UBE3B: variants seen among roughly 807,000 people sequenced by gnomAD.
UBE3B encodes the protein ubiquitin-protein ligase E3B.
UBE3B carries 80 observed loss-of-function variants against 132.3 expected under a neutral mutation model. That is an observed-to-expected ratio of 0.60 (90% CI 0.50 to 0.73). UBE3B has a LOEUF of 0.73. UBE3B is among the 30% of genes least tolerant of loss of function. The probability of loss-of-function intolerance (pLI) is 0.00; values close to 1 mark genes in which losing one functional copy is unlikely to be tolerated. For missense variants in UBE3B, 1,196 were observed against 1,362.5 expected (o/e 0.88, Z 1.92); for synonymous variants, 487 against 520.4 (o/e 0.94, Z 0.87).
chr12:109,534,665 G>A lies in UBE3B; in HGVS notation c.3090G>A (p.Leu1030=), dbSNP rs140000478. 5.6e-6 allele frequency: 9 copies of A among 1,611,436 alleles called. No individual in the cohort carries two copies. Among genetic ancestry groups the A allele is most frequent in the Non-Finnish European group, 7.6e-6 (9 of 1,178,960 alleles). ...GCAAGCGGGAGCCAGGCGGCCGCCTGCCCACCTCCTCCACCTGCTTCAACC... is the reference window on the plus strand; with the variant it reads ...GCAAGCGGGAGCCAGGCGGCCGCCTACCCACCTCCTCCACCTGCTTCAACC... ...TIRKREPGGR[L]PTSSTCFNLL... is the part of the protein sequence containing the mutation. Residue 1030 remains leucine, a synonymous_variant, in exon 28 of 28, where the codon CTG becomes CTA. Transcript: ENST00000342494. This position sits in a 1 kb window ranked among gnomAD's most constrained non-coding sequence, Gnocchi z 5.2.
intron 9 of UBE3B, among the ~76,000 whole-genome samples, chr12:109,495,541 C>A (rs1439927204): frequency 6.6e-6 from 1 of 152,234 alleles, no homozygotes; most frequent in African/African-American, 2.4e-5. Context: ...ATTAAAGACA[C>A]ACACACAGAA....
At chr12:109,511,662 G>A (rs1356954702) in intron 18 of UBE3B, among the ~76,000 whole-genome samples, 1 of 152,190 alleles carries the variant, frequency 6.6e-6, no homozygotes, top group Non-Finnish European at 1.5e-5. Context: ...TGTGGCTGGA[G>A]AGAATAGAAA....
chr12:109,542,711 C>T, the UBE3B span, among the ~76,000 whole-genome samples: 86,198 of 151,994 alleles, frequency 0.57, 25,463 homozygotes, highest in African/African-American at 0.72. Context: ...AACGCAGGGA[C>T]TTCCAGCCAT....
chr12:109,531,857 C>T (rs1180121051), intron 26 of UBE3B, among the ~76,000 whole-genome samples: 1 of 152,106 alleles, frequency 6.6e-6, no homozygotes, highest in African/African-American at 2.4e-5. Flanking sequence ...ACCAGTGTCT[C>T]ATCATTGTGC....
chr12:109,544,237 C>A, the UBE3B span, among the ~76,000 whole-genome samples: 3 of 152,316 alleles, frequency 2.0e-5, no homozygotes, highest in Non-Finnish European at 1.5e-5. Flanking sequence ...ACCAGCAGGC[C>A]ATGGACGGAC....
chr12:109,491,045 A>T lies in UBE3B; in HGVS notation c.631A>T (p.Ile211Leu). The change falls in exon 9 of 28, where the codon ATA (isoleucine) becomes TTA (leucine). Residue 211 changes from isoleucine (I) to leucine (L), a missense_variant and splice_region_variant. Transcript: ENST00000342494. ...NQHGFYSVLQ[I>L]LLTRGLARPR... ...TGACCAATTAAAACATTCTTTTCAG[A>T]TATTGTTAACCCGTGGCCTGGCAAG... The T allele has an allele frequency of 6.2e-7, 1 of 1,613,192 alleles. No homozygotes were observed. The highest frequency in any genetic ancestry group is 8.5e-7 in the Non-Finnish European group (1 of 1,179,464).
In UBE3B at chr12:109,533,446, G is replaced by A; in HGVS notation, c.2923-20G>A. 1.2e-6 allele frequency: 2 copies of A among 1,611,968 alleles called. No individual in the cohort carries two copies. The highest frequency in any genetic ancestry group is 1.7e-6 in the Non-Finnish European group (2 of 1,178,076). On this transcript the variant is annotated intron_variant, in intron 26 of 27. Transcript: ENST00000342494. ...AGCAGGAGCCTGCCCCGTCCCCACT[G>A]ACCCTGCTTTGTGTTGCAGTTCGTG...
At chr12:109,545,933 A>G in the UBE3B span, among the ~76,000 whole-genome samples, 1 of 152,182 alleles carries the variant, frequency 6.6e-6, no homozygotes, top group East Asian at 1.9e-4. Flanking sequence ...TAAAGGGCCG[A>G]TCTACCCTGC....
At chr12:109,490,902 TG>T in intron 8 of UBE3B, 142 bp from the exon 9 acceptor site, 1 of 1,075,498 alleles carries the variant, frequency 9.3e-7, no homozygotes, top group Non-Finnish European at 1.3e-6. Context: ...CCTCCTGAGC[TG>T]GGACTGTAGG....
At chr12:109,479,417 C>G (rs867467506) in intron 1 of UBE3B, among the ~76,000 whole-genome samples, 4 of 152,054 alleles carry the variant, frequency 2.6e-5, no homozygotes, top group Non-Finnish European at 5.9e-5. Context: ...GACATAGACA[C>G]TATTATTACC....
At chr12:109,533,215 C>T (rs1393417091) in intron 26 of UBE3B, among the ~76,000 whole-genome samples, 1 of 152,200 alleles carries the variant, frequency 6.6e-6, no homozygotes, top group African/African-American at 2.4e-5. Context: ...CACGTGCTCT[C>T]ACAAGTGGCC....
intron 18 of UBE3B, among the ~76,000 whole-genome samples, chr12:109,512,288 A>C (rs1420070472): frequency 6.6e-6 from 1 of 152,130 alleles, no homozygotes; most frequent in East Asian, 1.9e-4. Context: ...CGGAGTGAGA[A>C]GTCCAGGGCA....
chr12:109,544,381 G>T, the UBE3B span, among the ~76,000 whole-genome samples: 1 of 131,546 alleles, frequency 7.6e-6, no homozygotes, highest in Non-Finnish European at 1.6e-5. Flanking sequence ...GTGAAGTGGG[G>T]CGGGGGGCGG....
chr12:109,511,173 A>G (rs1212137245), intron 17 of UBE3B, 31 bp from the exon 18 acceptor site: 2 of 1,606,486 alleles, frequency 1.2e-6, no homozygotes, highest in African/African-American at 1.3e-5. Flanking sequence ...CCTTCTTTTA[A>G]TTCTCCCAAA....
intron 1 of UBE3B, among the ~76,000 whole-genome samples, chr12:109,480,754 G>T (rs1299608184): frequency 2.0e-5 from 3 of 152,204 alleles, no homozygotes; most frequent in Non-Finnish European, 4.4e-5. Flanking sequence ...CCCTCACTGT[G>T]CAGTGCTGCT....
chr12:109,520,079 A>G (rs1022187462), intron 19 of UBE3B: 1 of 152,264 alleles, frequency 6.6e-6, no homozygotes, highest in African/African-American at 2.4e-5. Flanking sequence ...ACAGTGTTAC[A>G]GTTGTAGCTG....
At position 109,501,983 on chromosome 12, in the gene UBE3B, A is replaced by G. The variant is rs529827606; in HGVS notation, c.1282+449A>G. Among the ~76,000 whole-genome samples the G allele has an allele frequency of 2.6e-5, 4 of 152,262 alleles. No homozygotes were observed. In the South Asian group the frequency reaches 6.2e-4, roughly 24 times the overall value. ...CTGGCCTCCAGCTTGTTCCACAACA[A>G]TTTTGAGGCTTGTTAGGTCACTAAG... is the stretch of plus-strand genomic sequence containing the variant. On this transcript the variant is annotated intron_variant, in intron 13 of 27. Transcript: ENST00000342494.
At chr12:109,493,067 G>T (rs1449788180) in intron 9 of UBE3B, among the ~76,000 whole-genome samples, 1 of 152,202 alleles carries the variant, frequency 6.6e-6, no homozygotes, top group Admixed American at 6.5e-5. Flanking sequence ...ATTAGTTATG[G>T]AAGTATAACT....
At chr12:109,512,438 G>A (rs1306250882) in intron 18 of UBE3B, among the ~76,000 whole-genome samples, 1 of 152,120 alleles carries the variant, frequency 6.6e-6, no homozygotes, top group Non-Finnish European at 1.5e-5. Context: ...TCCAGGAAAT[G>A]AGGGTAGCAA....
Sources: gnomAD v4.1 joint callset for allele counts (sites outside exome capture counted in the v4.1 genomes callset) on GRCh38, gnomAD v4.1.1 for gene constraint, Gnocchi (gnomAD v3.1) non-coding constraint, MANE v1.5 for transcripts, NCBI Gene and HGNC (gene_info 2026-07-23, HGNC 2026-07-21) for gene names.